Variants in ENGASE observed in about 807,000 individuals in gnomAD.
The protein encoded by ENGASE is cytosolic endo-beta-N-acetylglucosaminidase.
ENGASE carries 69 observed loss-of-function variants against 78.5 expected under a neutral mutation model. The ratio of observed to expected loss-of-function variants is 0.88; its 90% CI spans 0.72 to 1.07. The LOEUF (loss-of-function observed/expected upper bound fraction) is 1.07, where lower values mean the gene tolerates loss of function less well. Among genes scored for constraint, ENGASE ranks in the 50% least tolerant of loss-of-function variants. The probability of loss-of-function intolerance (pLI) is 0.00; values close to 1 mark genes in which losing one functional copy is unlikely to be tolerated. For synonymous variants in ENGASE, 408 were observed against 408.9 expected (o/e 1.00, Z 0.03); for missense variants, 943 against 988.4 (o/e 0.95, Z 0.62).
Position 79,086,093 on chromosome 17 carries a change from G to C in ENGASE, c.1976G>C (p.Arg659Pro), listed in dbSNP as rs763577151. 9 of 1,613,654 alleles carry C rather than the reference G, an allele frequency of 5.6e-6. No individual in the cohort carries two copies. The Middle Eastern group carries it at 1.5e-3, about 266-fold the overall frequency. Residue 659 changes from arginine to proline, a missense_variant, in exon 14 of 14, where the codon CGT becomes CCT. Arg to Pro is a moderately radical substitution (Grantham distance 103, BLOSUM62 -2). Transcript: ENST00000579016. The part of the protein sequence containing the change: ...LHWSFLLSQV[R>P]CFRIHCWGGM... ...TGGTCCTTCCTCCTCTCACAAGTCCGTTGCTTCCGAATCCACTGCTGGGGA... is the reference window on the plus strand; with the variant it reads ...TGGTCCTTCCTCCTCTCACAAGTCCCTTGCTTCCGAATCCACTGCTGGGGA...
intron 3 of ENGASE, 52 bp from the exon 4 acceptor site, chr17:79,079,437 G>T: frequency 6.3e-7 from 1 of 1,579,320 alleles, no homozygotes; most frequent in African/African-American, 1.4e-5. Context: ...CAAAGTGCTG[G>T]GAATAAAGGC....
chr17:79,075,839 G>A, intron 1 of ENGASE: 1 of 985,346 alleles, frequency 1.0e-6, no homozygotes, highest in South Asian at 4.7e-5. Context: ...TTGGACAGGA[G>A]GAATGTGGAG....
Position 79,082,076 on chromosome 17 carries a change from TTTCGTCCA to T in ENGASE, c.1038+14_1038+21del. 4.3e-6 allele frequency: 7 copies of T among 1,614,154 alleles called. No homozygotes were observed. The highest frequency in any genetic ancestry group is 5.1e-6 in the Non-Finnish European group (6 of 1,180,004). Reference sequence around the variant, plus strand: ...CGACACAGACAAGGTGGGTGGTGGCTTTCGTCCAAGGGCCAGCGGCCCAGTGCCTCCCC... The same window carrying T: ...CGACACAGACAAGGTGGGTGGTGGCTAGGGCCAGCGGCCCAGTGCCTCCCC... On this transcript the variant is annotated intron_variant, in intron 7 of 13. Coordinates refer to ENST00000579016, the MANE Select transcript of ENGASE (RefSeq NM_001042573.3).
chr17:79,082,813 G>T (rs938566592), intron 7 of ENGASE: 1 of 1,503,312 alleles, frequency 6.7e-7, no homozygotes. Flanking sequence ...AGCGCTGACC[G>T]CCTCTCCCGC....
Position 79,086,246 on chromosome 17 carries a change from A to ATCG in ENGASE, c.2133_2135dup (p.Arg712dup). The ATCG allele has an allele frequency of 6.2e-7, 1 of 1,613,498 alleles. No homozygotes were observed. The highest frequency in any genetic ancestry group is 8.5e-7 in the Non-Finnish European group (1 of 1,180,034). ...GTGGAAGCCGCCGGGCCCGGCCAGG[A>ATCG]TCGTCGCATGGAATTTCTGGTGGAG... On this transcript the variant is annotated inframe_insertion, in exon 14 of 14. Coordinates refer to ENST00000579016, the MANE Select transcript of ENGASE (RefSeq NM_001042573.3).
rs567469470 is a variant in ENGASE, at chr17:79,080,640, C to G, written c.723+276C>G. 9.7e-4 allele frequency among the ~76,000 whole-genome samples: 148 copies of G among 152,354 alleles called. 1 individual carries two copies. Among genetic ancestry groups the G allele is most frequent in the African/African-American group, 3.4e-3 (143 of 41,586 alleles). ...CACCTTTCCTTTTCCGCGCTCTGCT[C>G]TGGGCTGGGTGTGTGGCTTCCTTCT... On this transcript the variant is annotated intron_variant, in intron 5 of 13. Transcript: ENST00000579016.
At position 79,083,529 on chromosome 17, in the gene ENGASE, C is replaced by T. The variant is rs201668770; in HGVS notation, c.1190C>T (p.Ser397Phe). The T allele has an allele frequency of 2.0e-4, 315 of 1,614,094 alleles. 1 individual carries two copies. Among genetic ancestry groups the T allele is most frequent in the Non-Finnish European group, 6.3e-5 (74 of 1,180,036 alleles). The change falls in exon 9 of 14, where the codon TCC becomes TTC. Residue 397 changes from serine to phenylalanine, a missense_variant. Coordinates refer to ENST00000579016, the MANE Select transcript of ENGASE (RefSeq NM_001042573.3). The surrounding 1 kb of genome is among the most constrained non-coding windows in gnomAD (Gnocchi z 4.9). ...TATCTGCCCACACATAGCATCTGCT[C>T]CTTGCCTTTCGTCACGTCCTTCTGC... Reference protein sequence around the residue: ...ERYLPTHSICSLPFVTSFCLG... With the variant: ...ERYLPTHSICFLPFVTSFCLG...
At chr17:79,081,215 A>C (rs981630610) in intron 6 of ENGASE, 142 bp downstream of exon 6, 3 of 1,167,786 alleles carry the variant, frequency 2.6e-6, no homozygotes, top group Non-Finnish European at 3.5e-6. Context: ...AAAGAGGGAG[A>C]AGGTGGGCCA....
At position 79,088,304 on chromosome 17, in the gene ENGASE, C is replaced by CCTTG. The variant is rs2073392846; in HGVS notation, c.*1958_*1961dup. ...GGTTGTGGGGGGCGCAGCATCCACG[C>CCTTG]CTTGCTGCCCTTCTTTCATGAAGTC... On this transcript the variant is annotated 3_prime_UTR_variant, in exon 14 of 14. Transcript: ENST00000579016. The CCTTG allele has an allele frequency of 6.6e-6, 1 of 152,234 alleles. No homozygotes were observed. The highest frequency in any genetic ancestry group is 2.4e-5 in the African/African-American group (1 of 41,446). The allele number at this position is 152,234 out of a possible 1,614,324, so 9.4% of individuals were successfully genotyped here.
At chr17:79,077,294 G>A (rs963849998) in intron 1 of ENGASE, 136 bp from the exon 2 acceptor site, 1 of 798,760 alleles carries the variant, frequency 1.3e-6, no homozygotes, top group Non-Finnish European at 1.9e-6. Context: ...TTTATACAAT[G>A]TTTCTATAGT....
chr17:79,087,712 A>G lies in ENGASE; in HGVS notation c.*1363A>G, dbSNP rs2073368150. On this transcript the variant is annotated 3_prime_UTR_variant, in exon 14 of 14. Transcript: ENST00000579016. ...TGCTCTGTGACCCCAGCTGGAGCCC[A>G]CACCTAAGGGCTGGCATCCACATCA... 6.6e-6 allele frequency: 1 copy of G among 152,182 alleles called. No individual in the cohort carries two copies. Among genetic ancestry groups the G allele is most frequent in the African/African-American group, 2.4e-5 (1 of 41,356 alleles). 9.4% of individuals were successfully genotyped at this position (152,182 alleles called of 1,614,324 possible).
chr17:79,081,771 T>TGGGGG (rs2073145105), intron 6 of ENGASE, 127 bp from the exon 7 acceptor site: 2 of 986,388 alleles, frequency 2.0e-6, no homozygotes, highest in African/African-American at 4.4e-5. Flanking sequence ...TGGGGTGGGG[T>TGGGGG]GGGGTGGGGT....
At chr17:79,079,700 C>A in intron 4 of ENGASE, 63 bp downstream of exon 4, 4 of 1,573,950 alleles carry the variant, frequency 2.5e-6, no homozygotes, top group Non-Finnish European at 3.4e-6. Context: ...CAGGGGACCC[C>A]GTGATTAGGA....
intron 7 of ENGASE, 123 bp from the exon 8 acceptor site, chr17:79,082,897 G>A (rs1224645163): frequency 6.4e-7 from 1 of 1,573,028 alleles, no homozygotes; most frequent in Non-Finnish European, 8.6e-7. Context: ...GGAGGGAGGG[G>A]TTGGACAGCT....
At chr17:79,077,936 G>GGGGGT in intron 3 of ENGASE, 72 bp downstream of exon 3, 5 of 721,528 alleles carry the variant, frequency 6.9e-6, no homozygotes, top group Middle Eastern at 4.7e-4. Context: ...GGAGGGGCGG[G>GGGGGT]AGAGAGTGCC....
chr17:79,077,845 G>C lies in ENGASE; in HGVS notation c.397G>C (p.Gly133Arg). 3.1e-6 allele frequency: 5 copies of C among 1,613,658 alleles called. No homozygotes were observed. Among genetic ancestry groups the C allele is most frequent in the Non-Finnish European group, 4.2e-6 (5 of 1,179,936 alleles). The change falls in exon 3 of 14, where the codon GGC (glycine) becomes CGC (arginine). Residue 133 changes from glycine to arginine, a missense_variant. Coordinates refer to ENST00000579016, the MANE Select transcript of ENGASE (RefSeq NM_001042573.3). ...GACTTTGTTGTGTCATGACATGATGGGCGGGTACCTGGATGACAGGTGAGG... is the reference window on the plus strand; with the variant it reads ...GACTTTGTTGTGTCATGACATGATGCGCGGGTACCTGGATGACAGGTGAGG... Reference protein sequence around the residue: ...PRTLLCHDMMGGYLDDRFIQG... With the variant: ...PRTLLCHDMMRGYLDDRFIQG...
chr17:79,082,411 C>A (rs1453151023), intron 7 of ENGASE: 12 of 1,231,650 alleles, frequency 9.7e-6, no homozygotes, highest in Non-Finnish European at 2.1e-6. Context: ...CGGGGACGCA[C>A]AGGGGCCTGC....
Position 79,088,523 on chromosome 17 carries a change from A to G in ENGASE, c.*2174A>G, listed in dbSNP as rs1486411686. On this transcript the variant is annotated 3_prime_UTR_variant, in exon 14 of 14. Coordinates refer to ENST00000579016, the MANE Select transcript of ENGASE (RefSeq NM_001042573.3). ...CCATGCAGGGCTCGCGTGCGGGAAA[A>G]CTAATATGCCGGCGTTTAAGCCTGT... 6.6e-6 allele frequency: 1 copy of G among 152,196 alleles called. No homozygotes were observed. Among genetic ancestry groups the G allele is most frequent in the Non-Finnish European group, 1.5e-5 (1 of 68,050 alleles). 9.4% of individuals were successfully genotyped at this position (152,196 alleles called of 1,614,324 possible).
chr17:79,078,608 C>T (rs2073028421), intron 3 of ENGASE, among the ~76,000 whole-genome samples: 1 of 152,198 alleles, frequency 6.6e-6, no homozygotes, highest in African/African-American at 2.4e-5. Context: ...TGTTACATGC[C>T]CCACCCACCC....
Sources: gnomAD v4.1 joint callset for allele counts (sites outside exome capture counted in the v4.1 genomes callset) on GRCh38, gnomAD v4.1.1 for gene constraint, Gnocchi (gnomAD v3.1) non-coding constraint, MANE v1.5 for transcripts, NCBI Gene and HGNC (gene_info 2026-07-23, HGNC 2026-07-21) for gene names.